DYNC2H1: variants seen among roughly 807,000 people sequenced by gnomAD.
The protein encoded by DYNC2H1 is dynein cytoplasmic 2 heavy chain 1, also known as cytoplasmic dynein 2 heavy chain 1.
Under a neutral mutation model 570.0 loss-of-function variants are expected in DYNC2H1, and 410 were observed. The ratio of observed to expected loss-of-function variants is 0.72; its 90% CI spans 0.66 to 0.78. The LOEUF (loss-of-function observed/expected upper bound fraction) is 0.78, where lower values mean the gene tolerates loss of function less well. DYNC2H1 is among the 30% of genes least tolerant of loss of function. The pLI is 0.00. For synonymous variants in DYNC2H1, 1,688 were observed against 1,677.6 expected (o/e 1.01, Z -0.15); for missense variants, 4,865 against 5,046.4 (o/e 0.96, Z 1.09).
chr11:103,479,408 C>A lies in DYNC2H1; in HGVS notation c.*155C>A. On this transcript the variant is annotated 3_prime_UTR_variant, in exon 89 of 89. Transcript: ENST00000375735. ...TCACTGAAATTTTAATGTGTAAAAG[C>A]AGCACTGTGCATCTTTTAAAGTAAT... The A allele has an allele frequency of 2.9e-6, 2 of 685,396 alleles. No individual in the cohort carries two copies. Among genetic ancestry groups the A allele is most frequent in the Non-Finnish European group, 4.3e-6 (2 of 462,302 alleles). 42.5% of individuals were successfully genotyped at this position (685,396 alleles called of 1,614,324 possible).
intron 65 of DYNC2H1, among the ~76,000 whole-genome samples, chr11:103,247,379 G>C (rs1486636705): frequency 6.6e-6 from 1 of 151,996 alleles, no homozygotes; most frequent in African/African-American, 2.4e-5. Context: ...TTAAATTTGT[G>C]ATTAATTGTT....
intron 82 of DYNC2H1, among the ~76,000 whole-genome samples, chr11:103,356,192 A>T (rs905849531): frequency 2.0e-5 from 3 of 152,188 alleles, no homozygotes; most frequent in African/African-American, 7.2e-5. Context: ...AAATATGAAA[A>T]ATAGATATTT....
At chr11:103,273,068 G>GT (rs1555086240) in intron 70 of DYNC2H1, among the ~76,000 whole-genome samples, 78 of 150,048 alleles carry the variant, frequency 5.2e-4, no homozygotes, top group African/African-American at 1.5e-3. Flanking sequence ...GATTTTGACA[G>GT]TTTTTTTAAA....
Position 103,119,482 on chromosome 11 carries a change from G to A in DYNC2H1, c.1000-965G>A, listed in dbSNP as rs959091922. 4.6e-5 allele frequency among the ~76,000 whole-genome samples: 7 copies of A among 152,222 alleles called. 1 individual carries two copies. In the South Asian group the frequency reaches 1.5e-3, roughly 32 times the overall value. ...AGCCTCCTGAGTAGCTGGGACTACAGGTGCACGCCACCACACCTGGCTAAT... is the reference window on the plus strand; with the variant it reads ...AGCCTCCTGAGTAGCTGGGACTACAAGTGCACGCCACCACACCTGGCTAAT... On this transcript the variant is annotated intron_variant, in intron 6 of 88. Coordinates refer to ENST00000375735, the MANE Select transcript of DYNC2H1 (RefSeq NM_001377.3).
chr11:103,452,012 C>A (rs901134701), intron 85 of DYNC2H1, among the ~76,000 whole-genome samples: 10 of 151,922 alleles, frequency 6.6e-5, no homozygotes, highest in African/African-American at 2.4e-4. Context: ...GATGTATAAT[C>A]TCACCCCTTT....
intron 84 of DYNC2H1, among the ~76,000 whole-genome samples, chr11:103,409,880 C>A (rs1943011755): frequency 6.6e-6 from 1 of 150,548 alleles, no homozygotes; most frequent in African/African-American, 2.5e-5. Flanking sequence ...TTTGTCTTTG[C>A]TTTTTAATGC....
chr11:103,414,827 A>G (rs192780713), intron 84 of DYNC2H1, among the ~76,000 whole-genome samples: 155 of 152,314 alleles, frequency 1.0e-3, no homozygotes, highest in African/African-American at 3.6e-3. Context: ...ACTTTCAAGA[A>G]TGTGAAGGAC....
chr11:103,161,373 T>A (rs1861085800), intron 29 of DYNC2H1, among the ~76,000 whole-genome samples: 2 of 152,110 alleles, frequency 1.3e-5, no homozygotes, highest in South Asian at 4.1e-4. Context: ...AAAATGGTAA[T>A]CTCAGTACAG....
At chr11:103,375,711 G>A (rs905354013) in intron 83 of DYNC2H1, among the ~76,000 whole-genome samples, 6 of 152,188 alleles carry the variant, frequency 3.9e-5, no homozygotes, top group South Asian at 2.1e-4. Context: ...TACAATGGGT[G>A]TAGTAGCCAG....
Position 103,323,886 on chromosome 11 carries a change from G to C in DYNC2H1, c.11935G>C (p.Asp3979His). Residue 3979 changes from aspartate (D) to histidine (H), a missense_variant and splice_region_variant, in exon 82 of 89, where the codon GAC becomes CAC. Coordinates refer to ENST00000375735, the MANE Select transcript of DYNC2H1 (RefSeq NM_001377.3). The part of the protein sequence containing the change: ...VSLPQSCSIL[D>H]YRAVIEKIPE... ...CTGTTTTTCACTTCTTTATATTTAG[G>C]ACTATCGTGCTGTCATTGAGAAAAT... 6.2e-7 allele frequency: 1 copy of C among 1,607,936 alleles called. No individual in the cohort carries two copies. Among genetic ancestry groups the C allele is most frequent in the Non-Finnish European group, 8.5e-7 (1 of 1,176,688 alleles).
At chr11:103,347,850 G>C (rs372184080) in intron 82 of DYNC2H1, among the ~76,000 whole-genome samples, 1 of 152,156 alleles carries the variant, frequency 6.6e-6, no homozygotes, top group South Asian at 2.1e-4. Context: ...CTCACAGTTA[G>C]AGAACAGTCA....
intron 84 of DYNC2H1, among the ~76,000 whole-genome samples, chr11:103,412,144 TTAAATTTTTG>T (rs1943114319): frequency 3.6e-5 from 1 of 28,034 alleles, no homozygotes; most frequent in Non-Finnish European, 5.3e-5. Context: ...AAAATAAAAG[TTAAATTTTTG>T]TTAAATTTTT....
chr11:103,136,026 T>A, intron 17 of DYNC2H1, 78 bp downstream of exon 17: 1 of 1,210,688 alleles, frequency 8.3e-7, no homozygotes, highest in Non-Finnish European at 1.1e-6. Flanking sequence ...ATGTATACAT[T>A]AATAGTTTAC....
At chr11:103,279,144 A>C (rs902404343) in intron 70 of DYNC2H1, among the ~76,000 whole-genome samples, 3 of 152,214 alleles carry the variant, frequency 2.0e-5, no homozygotes, top group Non-Finnish European at 4.4e-5. Context: ...TCATGTTACA[A>C]TTATATCTTA....
chr11:103,425,968 A>T (rs1290337522), intron 84 of DYNC2H1, among the ~76,000 whole-genome samples: 2 of 152,026 alleles, frequency 1.3e-5, no homozygotes, highest in African/African-American at 2.4e-5. Flanking sequence ...CTCTGCCAGC[A>T]CTGTGACATG....
intron 46 of DYNC2H1, 123 bp from the exon 47 acceptor site, chr11:103,191,974 C>T: frequency 4.2e-6 from 3 of 718,322 alleles, no homozygotes; most frequent in Admixed American, 3.7e-5. Context: ...TTTTTCCTTT[C>T]TTCCATTTAT....
intron 69 of DYNC2H1, among the ~76,000 whole-genome samples, chr11:103,259,025 C>T (rs1865167296): frequency 6.6e-6 from 1 of 152,130 alleles, no homozygotes; most frequent in Non-Finnish European, 1.5e-5. Context: ...CATCTGAGTT[C>T]CAGTTCATAA....
chr11:103,420,258 G>A (rs1229692647), intron 84 of DYNC2H1, among the ~76,000 whole-genome samples: 2 of 152,106 alleles, frequency 1.3e-5, no homozygotes, highest in African/African-American at 4.8e-5. Context: ...AACCTAGCAA[G>A]ACAGGCCAAC....
chr11:103,316,405 T>C, intron 79 of DYNC2H1, 140 bp from the exon 80 acceptor site: 1 of 537,420 alleles, frequency 1.9e-6, no homozygotes, highest in Non-Finnish European at 3.2e-6. Flanking sequence ...AGATTTATTA[T>C]GTGTTGGTTT....
Sources: allele counts gnomAD v4.1 joint callset (sites outside exome capture counted in the v4.1 genomes callset), GRCh38; gene constraint gnomAD v4.1.1; transcripts MANE v1.5; gene names NCBI Gene and HGNC (gene_info 2026-07-23, HGNC 2026-07-21).